Variants in RASGRF1 observed in about 807,000 individuals in gnomAD.
RASGRF1 encodes Ras protein specific guanine nucleotide releasing factor 1, also known as ras-specific guanine nucleotide-releasing factor 1.
A neutral mutation model predicts 138.7 loss-of-function variants in RASGRF1; 40 were observed. That is an observed-to-expected ratio of 0.29 (90% confidence interval 0.22 to 0.38). RASGRF1 has a LOEUF of 0.38. Among genes scored for constraint, RASGRF1 ranks in the 10% least tolerant of loss-of-function variants. RASGRF1 has a pLI of 1.00. For missense variants in RASGRF1, 1,108 were observed against 1,650.4 expected (o/e 0.67, Z 5.69); for synonymous variants, 614 against 663.2 (o/e 0.93, Z 1.14).
chr15:78,967,369 A>AG (rs2055664296), intron 26 of RASGRF1, among the ~76,000 whole-genome samples: 1 of 152,150 alleles, frequency 6.6e-6, no homozygotes, highest in African/African-American at 2.4e-5. Context: ...AACATGGCAA[A>AG]ACCCTGTTTC....
chr15:79,076,884 TTGACTGAATGGG>T (rs1448344634), intron 1 of RASGRF1, among the ~76,000 whole-genome samples: 2 of 152,206 alleles, frequency 1.3e-5, no homozygotes, highest in Admixed American at 6.5e-5. Flanking sequence ...GTAGCCCTGG[TTGACTGAATGGG>T]TGACTGAATG....
intron 20 of RASGRF1, among the ~76,000 whole-genome samples, chr15:78,992,552 C>T (rs1485484621): frequency 3.3e-5 from 5 of 152,116 alleles, no homozygotes; most frequent in South Asian, 2.1e-4. Context: ...TGCTGGAAGG[C>T]GGTGGGTAAA....
chr15:79,058,415 C>A lies in RASGRF1; in HGVS notation c.450G>T (p.Val150=), dbSNP rs1254326328. Residue 150 remains valine, a synonymous_variant, in exon 3 of 27, where the codon GTG becomes GTT. Transcript: ENST00000558480. Reference sequence around the variant, plus strand: ...GCTTGGCCACGGTCTTCTCTGTCTCCACGATCTGCAGCAGGTGCAGGTATT... The same window carrying A: ...GCTTGGCCACGGTCTTCTCTGTCTCAACGATCTGCAGCAGGTGCAGGTATT... ...MQKYLHLLQI[V]ETEKTVAKQL... The A allele has an allele frequency of 3.1e-6, 5 of 1,614,106 alleles. No individual in the cohort carries two copies. The highest frequency in any genetic ancestry group is 1.7e-5 in the Admixed American group (1 of 60,012).
chr15:79,088,943 A>C (rs1595984474), intron 1 of RASGRF1, among the ~76,000 whole-genome samples: 1 of 152,214 alleles, frequency 6.6e-6, no homozygotes. Context: ...CTCAGAAACT[A>C]TCTCCTAACA....
At chr15:79,010,581 C>T (rs951983224) in intron 13 of RASGRF1, among the ~76,000 whole-genome samples, 9 of 152,222 alleles carry the variant, frequency 5.9e-5, no homozygotes, top group Non-Finnish European at 8.8e-5. Context: ...ACAATGTGAA[C>T]ATTTTCTCAG....
chr15:79,090,656 C>G lies in RASGRF1; in HGVS notation c.-158G>C. 9.8e-6 allele frequency: 10 copies of G among 1,022,932 alleles called. No homozygotes were observed. The highest frequency in any genetic ancestry group is 3.0e-4 in the Middle Eastern group (1 of 3,308). The allele number at this position is 1,022,932 out of a possible 1,614,324, so 63.4% of individuals were successfully genotyped here. The stretch of plus-strand genomic sequence containing the variant: ...ATATCTACACTCCAGGATCTGGCGC[C>G]GAGCCGCGGCTTCTTGAATCCAGAT... On this transcript the variant is annotated 5_prime_UTR_variant, in exon 1 of 27. Transcript: ENST00000558480.
At chr15:79,090,184 C>A (rs2058035597) in intron 1 of RASGRF1, 39 bp downstream of exon 1, 2 of 1,547,750 alleles carry the variant, frequency 1.3e-6, no homozygotes, top group East Asian at 4.7e-5. Flanking sequence ...AGGGCCGCGG[C>A]CGGGACGCAG....
intron 24 of RASGRF1, among the ~76,000 whole-genome samples, chr15:78,977,720 C>T (rs1334092899): frequency 1.3e-5 from 2 of 152,216 alleles, no homozygotes. Flanking sequence ...TTCACTGCAG[C>T]AGCCTACAAT....
At chr15:79,089,276 C>A (rs1361733710) in intron 1 of RASGRF1, among the ~76,000 whole-genome samples, 1 of 152,252 alleles carries the variant, frequency 6.6e-6, no homozygotes, top group Admixed American at 6.5e-5. Flanking sequence ...GATCCACTAT[C>A]ATCTGCTTTA....
rs1306767835 is a variant in RASGRF1 at position 78,990,209 on chromosome 15, T to C, written c.3196A>G (p.Thr1066Ala). Residue 1066 changes from threonine to alanine, a missense_variant, in exon 22 of 27, where the codon ACC becomes GCC. Thr to Ala is a moderately conservative substitution (Grantham distance 58). This residue lies in a region of RASGRF1 where 686 missense variants were observed against 976.7 expected (regional missense o/e 0.70). Transcript: ENST00000558480. ...CTCACGTCATTGAAGTGCTTAGTGG[T>C]TTTCATGATATAAGGGGTCCTTTCA... ...KNERTPYIMK[T>A]TKHFNDISNL... The C allele has an allele frequency of 6.2e-7, 1 of 1,605,894 alleles. No homozygotes were observed. Among genetic ancestry groups the C allele is most frequent in the African/African-American group, 1.3e-5 (1 of 74,714 alleles).
chr15:78,987,869 C>T (rs999093681), intron 22 of RASGRF1, among the ~76,000 whole-genome samples: 5 of 152,146 alleles, frequency 3.3e-5, no homozygotes, highest in African/African-American at 1.2e-4. Context: ...CGATTTTGCT[C>T]TCTGGGAACC....
chr15:78,968,279 T>TGTGTGTGTGTGTGTGTGTG (rs1567417630), intron 26 of RASGRF1, among the ~76,000 whole-genome samples: 8 of 151,214 alleles, frequency 5.3e-5, no homozygotes, highest in African/African-American at 1.7e-4. Context: ...TGTGTGTGTG[T>TGTGTGTGTGTGTGTGTGTG]TTTATTTTTA....
At position 79,003,912 on chromosome 15, in the gene RASGRF1, G is replaced by A. The variant is rs144852502; in HGVS notation, c.2339C>T (p.Thr780Met). The A allele has an allele frequency of 5.0e-5, 81 of 1,614,208 alleles. No individual in the cohort carries two copies. The highest frequency in any genetic ancestry group is 3.3e-4 in the Middle Eastern group (2 of 6,062). The change falls in exon 15 of 27, where the codon ACG becomes ATG. Residue 780 changes from threonine (T) to methionine (M), a missense_variant. Around this residue, in one of 3 missense-constraint regions of RASGRF1, gnomAD observed 686 missense variants for 976.7 expected, o/e 0.70. Transcript: ENST00000558480. ...YSAMSPFSKA[T>M]LDTSKLYVSS... The stretch of plus-strand genomic sequence containing the variant: ...CACATAGAGCTTGCTGGTGTCCAGC[G>A]TGGCCTTGCTGAAGGGTGACATGGC...
intron 1 of RASGRF1, among the ~76,000 whole-genome samples, chr15:79,087,805 T>A (rs2058002183): frequency 6.6e-6 from 1 of 152,170 alleles, no homozygotes; most frequent in South Asian, 2.1e-4. Flanking sequence ...TCCACAGGAG[T>A]CAAAGTTGGT....
chr15:78,971,095 A>G (rs2141596580), intron 26 of RASGRF1, among the ~76,000 whole-genome samples: 1 of 152,184 alleles, frequency 6.6e-6, no homozygotes, highest in South Asian at 2.1e-4. Context: ...AGACATGTCT[A>G]CCCCGACCAG....
intron 24 of RASGRF1, among the ~76,000 whole-genome samples, chr15:78,974,094 C>T (rs1410820591): frequency 1.3e-5 from 2 of 152,236 alleles, no homozygotes; most frequent in African/African-American, 2.4e-5. Flanking sequence ...GAGTGATGGG[C>T]CATGCCTCTC....
intron 22 of RASGRF1, 194 bp downstream of exon 22, chr15:78,989,995 C>A: frequency 1.6e-6 from 1 of 610,574 alleles, no homozygotes; most frequent in Non-Finnish European, 2.9e-6. Context: ...CCATGGTCAG[C>A]CCCACTTAAT....
At chr15:78,993,149 G>C (rs1283758650) in intron 20 of RASGRF1, among the ~76,000 whole-genome samples, 3 of 139,002 alleles carry the variant, frequency 2.2e-5, no homozygotes, top group Admixed American at 7.1e-5. Context: ...GTGTGTGTGT[G>C]GTGTGCCTGT....
intron 11 of RASGRF1, 144 bp downstream of exon 11, chr15:79,019,897 A>C (rs975132720): frequency 2.2e-6 from 2 of 903,422 alleles, no homozygotes; most frequent in South Asian, 1.6e-5. Context: ...GGGTGTGTGC[A>C]TGAGGGCATG....
Sources: gnomAD v4.1 joint callset for allele counts (sites outside exome capture counted in the v4.1 genomes callset) on GRCh38, gnomAD v4.1.1 for gene constraint, gnomAD v4.1.1 regional missense constraint, MANE v1.5 for transcripts, NCBI Gene and HGNC (gene_info 2026-07-23, HGNC 2026-07-21) for gene names.